DGKB: variants seen among roughly 807,000 people sequenced by gnomAD.
The protein encoded by DGKB is diacylglycerol kinase beta.
In DGKB, 67 loss-of-function variants were observed where a neutral mutation model predicts 114.3. The observed-to-expected ratio is 0.59, with a 90% CI of 0.48 to 0.72. The LOEUF is 0.72. Ranked by LOEUF, DGKB falls within the 30% of genes least tolerant of loss-of-function variation. The pLI is 0.00. For missense variants in DGKB, 907 were observed against 975.2 expected (o/e 0.93, Z 0.93); for synonymous variants, 398 against 323.1 (o/e 1.23, Z -2.49).
intron 2 of DGKB, among the ~76,000 whole-genome samples, chr7:14,774,549 T>C (rs756779750): frequency 2.0e-4 from 30 of 152,220 alleles, no homozygotes; most frequent in African/African-American, 6.3e-4. Context: ...GGGTATCTCA[T>C]TGATGACTTA....
intron 21 of DGKB, among the ~76,000 whole-genome samples, chr7:14,420,217 G>A (rs1356126993): frequency 6.6e-6 from 1 of 151,322 alleles, no homozygotes; most frequent in Non-Finnish European, 1.5e-5. Flanking sequence ...TATGTATTCT[G>A]TTTATATTTT....
At chr7:14,267,779 G>A (rs958490989) in intron 23 of DGKB, among the ~76,000 whole-genome samples, 2 of 152,066 alleles carry the variant, frequency 1.3e-5, no homozygotes, top group Admixed American at 6.6e-5. Context: ...GTGAGCCACC[G>A]TTCCCGGCCT....
At chr7:14,415,983 T>C (rs1313108902) in intron 21 of DGKB, among the ~76,000 whole-genome samples, 1 of 152,170 alleles carries the variant, frequency 6.6e-6, no homozygotes, top group Non-Finnish European at 1.5e-5. Context: ...TGAGATGGTA[T>C]CTCATTGTGG....
At chr7:14,704,495 A>G (rs972968172) in intron 6 of DGKB, among the ~76,000 whole-genome samples, 65 of 151,580 alleles carry the variant, frequency 4.3e-4, no homozygotes, top group African/African-American at 9.9e-4. Context: ...AGGAGCCAAG[A>G]TGGCCGAATA....
At chr7:14,339,034 T>C (rs912870836) in intron 22 of DGKB, among the ~76,000 whole-genome samples, 2 of 151,996 alleles carry the variant, frequency 1.3e-5, no homozygotes, top group African/African-American at 4.8e-5. Flanking sequence ...TCCAATGTGT[T>C]ACAAAAAGGT....
intron 20 of DGKB, among the ~76,000 whole-genome samples, chr7:14,500,160 T>G (rs903485810): frequency 6.6e-6 from 1 of 151,900 alleles, no homozygotes; most frequent in Non-Finnish European, 1.5e-5. Context: ...TTGCTGTAAA[T>G]CCATGCTAAC....
At chr7:14,177,387 T>C (rs1439936961) in intron 24 of DGKB, among the ~76,000 whole-genome samples, 1 of 151,914 alleles carries the variant, frequency 6.6e-6, no homozygotes, top group African/African-American at 2.4e-5. Context: ...AAACCCCATC[T>C]GTACTAAAAA....
intron 1 of DGKB, among the ~76,000 whole-genome samples, chr7:14,896,560 G>A (rs1782133242): frequency 6.6e-6 from 1 of 151,372 alleles, no homozygotes; most frequent in African/African-American, 2.4e-5. Flanking sequence ...TTTTCTCTGA[G>A]ACAATATTCC....
intron 8 of DGKB, among the ~76,000 whole-genome samples, chr7:14,697,743 G>GAAAGAAA (rs1824234667): frequency 1.7e-5 from 2 of 119,076 alleles, no homozygotes; most frequent in East Asian, 2.4e-4. Flanking sequence ...GAAAGAAGGA[G>GAAAGAAA]GAAAGAAAGA....
intron 13 of DGKB, among the ~76,000 whole-genome samples, chr7:14,637,958 T>C (rs112261173): frequency 8.5e-5 from 13 of 152,108 alleles, no homozygotes; most frequent in African/African-American, 2.4e-4. Context: ...TTCCATTCTA[T>C]AATAAACATC....
intron 23 of DGKB, chr7:14,190,873 GCCATTTGATCTA>G (rs1784205365): frequency 6.5e-6 from 1 of 152,810 alleles, no homozygotes; most frequent in African/African-American, 2.4e-5. Flanking sequence ...ACCACTACTG[GCCATTTGATCTA>G]CAGATGTGGT....
intron 20 of DGKB, among the ~76,000 whole-genome samples, chr7:14,567,424 AT>A (rs1407837155): frequency 3.7e-5 from 2 of 54,152 alleles, no homozygotes; most frequent in Non-Finnish European, 6.3e-5. Context: ...ATATTTATAT[AT>A]TATATATATA....
At chr7:14,878,119 C>T (rs140314027) in intron 1 of DGKB, among the ~76,000 whole-genome samples, 27 of 150,232 alleles carry the variant, frequency 1.8e-4, no homozygotes, top group African/African-American at 6.3e-4. Context: ...CAAATAGAGC[C>T]TGTCCACAAA....
At chr7:14,324,586 G>A (rs1049155494) in intron 23 of DGKB, among the ~76,000 whole-genome samples, 3 of 152,004 alleles carry the variant, frequency 2.0e-5, no homozygotes, top group Non-Finnish European at 4.4e-5. Flanking sequence ...TGAAGAATGA[G>A]CAATGTCATT....
chr7:14,496,637 A>G (rs1189248475), intron 20 of DGKB, among the ~76,000 whole-genome samples: 1 of 151,810 alleles, frequency 6.6e-6, no homozygotes, highest in Non-Finnish European at 1.5e-5. Flanking sequence ...ATATTTGTAA[A>G]TCTCTTCTTC....
chr7:14,788,013 G>T (rs1177752083), intron 2 of DGKB, among the ~76,000 whole-genome samples: 4 of 152,208 alleles, frequency 2.6e-5, no homozygotes, highest in Non-Finnish European at 5.9e-5. Flanking sequence ...TAAGACTGAG[G>T]TTATGACAGG....
At chr7:14,626,702 C>T (rs1808656715) in intron 14 of DGKB, among the ~76,000 whole-genome samples, 1 of 152,124 alleles carries the variant, frequency 6.6e-6, no homozygotes, top group South Asian at 2.1e-4. Flanking sequence ...GGCTCTAAAT[C>T]TATTAGTAAT....
chr7:14,833,395 T>C (rs1440868626), intron 2 of DGKB, among the ~76,000 whole-genome samples: 2 of 60,762 alleles, frequency 3.3e-5, no homozygotes, highest in African/African-American at 4.3e-5. Flanking sequence ...TATGAAGATT[T>C]ATGTTTGTTT....
At chr7:14,922,538 G>A (rs1258179891) in intron 1 of DGKB, among the ~76,000 whole-genome samples, 1 of 151,710 alleles carries the variant, frequency 6.6e-6, no homozygotes, top group Non-Finnish European at 1.5e-5. Flanking sequence ...AGAAGTTGGG[G>A]AATTCTTTAC....
Sources: allele counts gnomAD v4.1 joint callset (sites outside exome capture counted in the v4.1 genomes callset), GRCh38; gene constraint gnomAD v4.1.1; transcripts MANE v1.5; gene names NCBI Gene and HGNC (gene_info 2026-07-23, HGNC 2026-07-21).